Variants in MTAP observed in about 807,000 individuals in gnomAD.
The protein encoded by MTAP is methylthioadenosine phosphorylase.
In MTAP, 33 loss-of-function variants were observed where a neutral mutation model predicts 33.6. The observed-to-expected ratio is 0.98, with a 90% CI of 0.74 to 1.31. The LOEUF (loss-of-function observed/expected upper bound fraction) is 1.31, where lower values mean the gene tolerates loss of function less well. MTAP is among the 40% of genes most tolerant of loss of function. MTAP has a pLI of 0.00. For missense variants in MTAP, 367 were observed against 360.0 expected, an observed-to-expected ratio of 1.02 and a Z score of -0.16; for synonymous variants, 148 against 125.7, an observed-to-expected ratio of 1.18 and a Z score of -1.19.
At chr9:21,817,022 G>A (rs1824492525) in intron 3 of MTAP, among the ~76,000 whole-genome samples, 1 of 152,130 alleles carries the variant, frequency 6.6e-6, no homozygotes, top group Non-Finnish European at 1.5e-5. Context: ...TCTGGTTTTA[G>A]TTCTAACTGC....
intron 6 of MTAP, chr9:21,856,132 T>C: frequency 1.0e-6 from 1 of 984,904 alleles, no homozygotes; most frequent in Non-Finnish European, 1.2e-6. Flanking sequence ...CGTCCTGTCA[T>C]TTATCTCATT....
chr9:21,844,187 G>A (rs560952197), intron 5 of MTAP, among the ~76,000 whole-genome samples: 1 of 151,990 alleles, frequency 6.6e-6, no homozygotes. Context: ...AGGAAGAAAT[G>A]GAAACCCTAA....
intron 4 of MTAP, among the ~76,000 whole-genome samples, chr9:21,824,177 T>C (rs1422013804): frequency 6.6e-6 from 1 of 152,236 alleles, no homozygotes; most frequent in Non-Finnish European, 1.5e-5. Flanking sequence ...GGAGAGGTGC[T>C]CTGATTTTTA....
chr9:21,810,048 G>A (rs1357397257), intron 1 of MTAP, among the ~76,000 whole-genome samples: 1 of 152,210 alleles, frequency 6.6e-6, no homozygotes, highest in African/African-American at 2.4e-5. Flanking sequence ...CATCATCCAA[G>A]CTTCTCTGAC....
At chr9:21,923,655 A>T (rs1013188209) in intron 1 of MTAP, among the ~76,000 whole-genome samples, 1 of 152,164 alleles carries the variant, frequency 6.6e-6, no homozygotes, top group Non-Finnish European at 1.5e-5. Context: ...CTCTAATACA[A>T]AATTTTCTCC....
At chr9:21,822,504 A>T (rs1587211532) in intron 4 of MTAP, among the ~76,000 whole-genome samples, 1 of 152,146 alleles carries the variant, frequency 6.6e-6, no homozygotes, top group African/African-American at 2.4e-5. Context: ...ATAGTTTGTT[A>T]TAATTTCTGT....
chr9:21,825,738 G>A (rs1186122267), intron 4 of MTAP, among the ~76,000 whole-genome samples: 2 of 152,210 alleles, frequency 1.3e-5, no homozygotes, highest in East Asian at 1.9e-4. Flanking sequence ...ATACTTAAGA[G>A]ACTGAGGTGG....
chr9:21,905,971 A>G (rs111500087), intron 1 of MTAP, among the ~76,000 whole-genome samples: 33 of 152,218 alleles, frequency 2.2e-4, no homozygotes, highest in African/African-American at 7.5e-4. Context: ...TTTTAGTTAC[A>G]TGGTATGAGT....
rs145883746 is a variant in MTAP at position 21,851,311 on chromosome 9, CTG to C, written c.451-3318_451-3317del. 6.8e-3 allele frequency among the ~76,000 whole-genome samples: 1,028 copies of C among 152,278 alleles called. 22 individuals are homozygous for C. The highest frequency in any genetic ancestry group is 0.055 in the East Asian group (285 of 5,188). On this transcript the variant is annotated intron_variant, in intron 5 of 7. Coordinates refer to ENST00000644715, the MANE Select transcript of MTAP (RefSeq NM_002451.4). The stretch of plus-strand genomic sequence containing the variant: ...ATGTGACCAGCTACAGAAATGAGGA[CTG>C]TAATTGTCATGAGTATTTCCTCCTC...
chr9:21,837,228 A>G lies in MTAP; in HGVS notation c.348-680A>G, dbSNP rs536514321. On this transcript the variant is annotated intron_variant, in intron 4 of 7. Transcript: ENST00000644715. The stretch of plus-strand genomic sequence containing the variant: ...ACAATCTAAATGAGGCAGCGAACAA[A>G]GATTCCTAAATATGGAGCAAGACAA... 5.9e-5 allele frequency among the ~76,000 whole-genome samples: 9 copies of G among 152,348 alleles called. No homozygotes were observed. In the East Asian group the frequency reaches 1.7e-3, roughly 29 times the overall value.
chr9:21,843,361 CAG>C (rs1825299541), intron 5 of MTAP, among the ~76,000 whole-genome samples: 2 of 152,128 alleles, frequency 1.3e-5, no homozygotes, highest in African/African-American at 4.8e-5. Context: ...GTCCTCAAGA[CAG>C]AAAGTCAACA....
chr9:21,826,033 G>T (rs1824789170), intron 4 of MTAP, among the ~76,000 whole-genome samples: 1 of 151,618 alleles, frequency 6.6e-6, no homozygotes, highest in Non-Finnish European at 1.5e-5. Context: ...ACGTATTTTG[G>T]GTATTAACCC....
downstream of MTAP, among the ~76,000 whole-genome samples, chr9:21,868,801 T>C (rs886611558): frequency 6.6e-6 from 1 of 152,294 alleles, no homozygotes; most frequent in East Asian, 1.9e-4. Context: ...CCATCTGTGA[T>C]AGTGCTTCTC....
chr9:21,847,722 C>G (rs1825416860), intron 5 of MTAP, among the ~76,000 whole-genome samples: 1 of 152,196 alleles, frequency 6.6e-6, no homozygotes, highest in Non-Finnish European at 1.5e-5. Context: ...GGGATTGTAT[C>G]TCCCAGCTCC....
At chr9:21,918,640 T>C (rs1818734321) in intron 1 of MTAP, among the ~76,000 whole-genome samples, 1 of 152,160 alleles carries the variant, frequency 6.6e-6, no homozygotes, top group African/African-American at 2.4e-5. Flanking sequence ...CCACATGTCA[T>C]GGAAGGGACC....
intron 1 of MTAP, among the ~76,000 whole-genome samples, chr9:21,879,935 G>A (rs1817979220): frequency 6.6e-6 from 1 of 151,970 alleles, no homozygotes; most frequent in South Asian, 2.1e-4. Context: ...TTTGTAGGCG[G>A]CCTGCCCTTT....
At chr9:21,818,945 C>G (rs1191666064) in intron 4 of MTAP, among the ~76,000 whole-genome samples, 1 of 152,156 alleles carries the variant, frequency 6.6e-6, no homozygotes, top group African/African-American at 2.4e-5. Context: ...GGTAACCTTT[C>G]TACTCTTTAC....
At chr9:21,838,881 T>C (rs1052146553) in intron 5 of MTAP, among the ~76,000 whole-genome samples, 1 of 152,250 alleles carries the variant, frequency 6.6e-6, no homozygotes, top group African/African-American at 2.4e-5. Flanking sequence ...TGAGTTAACT[T>C]AGAGAATATA....
intron 4 of MTAP, among the ~76,000 whole-genome samples, chr9:21,820,587 T>G (rs868568262): frequency 2.6e-5 from 4 of 152,332 alleles, no homozygotes; most frequent in African/African-American, 9.6e-5. Flanking sequence ...TGCCTCCAGC[T>G]TTGTTCTTTT....
Sources: allele counts gnomAD v4.1 joint callset (sites outside exome capture counted in the v4.1 genomes callset), GRCh38; gene constraint gnomAD v4.1.1; transcripts MANE v1.5; gene names NCBI Gene and HGNC (gene_info 2026-07-23, HGNC 2026-07-21).